The following MAML2 variants were observed in gnomAD, a reference collection of about 807,000 sequenced individuals.
The protein encoded by MAML2 is mastermind like transcriptional coactivator 2.
MAML2 carries 22 observed loss-of-function variants against 96.1 expected under a neutral mutation model. The ratio of observed to expected loss-of-function variants is 0.23; its 90% CI spans 0.16 to 0.33. MAML2 has a LOEUF of 0.33. Among genes scored for constraint, MAML2 ranks in the 10% least tolerant of loss-of-function variants. The pLI, the probability that MAML2 is intolerant of heterozygous loss-of-function variation, is 1.00. For synonymous variants in MAML2, 561 were observed against 521.3 expected, an observed-to-expected ratio of 1.08 and a Z score of -1.04; for missense variants, 1,367 against 1,392.4, an observed-to-expected ratio of 0.98 and a Z score of 0.29.
chr11:96,299,072 T>TAC (rs1263131444), intron 1 of MAML2, among the ~76,000 whole-genome samples: 20 of 135,572 alleles, frequency 1.5e-4, no homozygotes, highest in African/African-American at 5.0e-4. Context: ...TATATATATA[T>TAC]ATATATATAA....
chr11:96,116,319 TTCTCTCTC>T (rs1860240990), intron 1 of MAML2, among the ~76,000 whole-genome samples: 1 of 152,184 alleles, frequency 6.6e-6, no homozygotes, highest in Non-Finnish European at 1.5e-5. Flanking sequence ...TACTCTATGC[TTCTCTCTC>T]TGGGGATGAC....
In MAML2 at chr11:96,240,557, C is replaced by CAACAAAAAAA. The variant is rs568304250; in HGVS notation, c.513+100825_513+100826insTTTTTTTGTT. ...TGGGCGACAGAGCGAGACTCCGTCTCAAAAAAAAAAAAAAAAAAAAAAAAA... is the reference window on the plus strand; with the variant it reads ...TGGGCGACAGAGCGAGACTCCGTCTCAACAAAAAAAAAAAAAAAAAAAAAAAAAAAAAAAA... On this transcript the variant is annotated intron_variant, in intron 1 of 4. Transcript: ENST00000524717. Among the ~76,000 whole-genome samples, 31 of 51,100 alleles carry CAACAAAAAAA rather than the reference C, an allele frequency of 6.1e-4. 3 individuals are homozygous for CAACAAAAAAA. Among genetic ancestry groups the CAACAAAAAAA allele is most frequent in the Admixed American group, 1.6e-3 (5 of 3,040 alleles). The allele number at this position is 51,100 out of a possible 152,430, so 33.5% of individuals were successfully genotyped here.
At chr11:96,097,951 A>G (rs1241547310) in intron 1 of MAML2, among the ~76,000 whole-genome samples, 1 of 152,176 alleles carries the variant, frequency 6.6e-6, no homozygotes, top group Non-Finnish European at 1.5e-5. Flanking sequence ...CAGCCCAGAC[A>G]TGTCTCGTTC....
intron 1 of MAML2, among the ~76,000 whole-genome samples, chr11:96,109,270 C>G (rs1860079207): frequency 6.6e-6 from 1 of 152,080 alleles, no homozygotes; most frequent in Non-Finnish European, 1.5e-5. Flanking sequence ...CAGTGAGATG[C>G]AGAAGTCTGG....
intron 2 of MAML2, among the ~76,000 whole-genome samples, chr11:96,082,968 G>A (rs993445569): frequency 6.6e-6 from 1 of 152,172 alleles, no homozygotes; most frequent in African/African-American, 2.4e-5. Flanking sequence ...GAATGCTGGG[G>A]TTTGAACATG....
At chr11:96,263,751 A>T (rs1862784154) in intron 1 of MAML2, among the ~76,000 whole-genome samples, 1 of 152,192 alleles carries the variant, frequency 6.6e-6, no homozygotes, top group Non-Finnish European at 1.5e-5. Context: ...GGCTGGTGGG[A>T]CCACAATGAC....
intron 1 of MAML2, among the ~76,000 whole-genome samples, chr11:96,152,342 C>G (rs746349032): frequency 6.6e-6 from 1 of 152,190 alleles, no homozygotes; most frequent in Non-Finnish European, 1.5e-5. Flanking sequence ...AATGACAAAT[C>G]GAGAAACAAC....
chr11:96,104,180 A>G (rs79174462), intron 1 of MAML2, among the ~76,000 whole-genome samples: 1 of 152,144 alleles, frequency 6.6e-6, no homozygotes, highest in Admixed American at 6.5e-5. Context: ...CTGTCTCCAC[A>G]TGTTATAAAA....
intron 1 of MAML2, among the ~76,000 whole-genome samples, chr11:96,230,065 A>G (rs551136121): frequency 1.2e-4 from 19 of 152,288 alleles, no homozygotes; most frequent in Admixed American, 1.2e-3. Context: ...TTAAGAAAAA[A>G]CATTTAACGA....
intron 1 of MAML2, among the ~76,000 whole-genome samples, chr11:96,200,683 T>C (rs1565246554): frequency 6.6e-6 from 1 of 152,230 alleles, no homozygotes; most frequent in Non-Finnish European, 1.5e-5. Context: ...TTCTGGACTT[T>C]GACAAGTTAA....
At chr11:96,228,774 G>C (rs1167902086) in intron 1 of MAML2, among the ~76,000 whole-genome samples, 1 of 152,174 alleles carries the variant, frequency 6.6e-6, no homozygotes. Flanking sequence ...GAATTCCATT[G>C]TGGTGATGCT....
intron 2 of MAML2, among the ~76,000 whole-genome samples, chr11:96,072,993 T>C (rs1177633010): frequency 6.6e-6 from 1 of 152,212 alleles, no homozygotes; most frequent in Non-Finnish European, 1.5e-5. Context: ...TTGATAATCA[T>C]AAATTTCCAT....
chr11:96,051,470 T>A (rs1173070331), intron 2 of MAML2, among the ~76,000 whole-genome samples: 1 of 152,226 alleles, frequency 6.6e-6, no homozygotes, highest in African/African-American at 2.4e-5. Context: ...ATGTGTATTA[T>A]TCTACACATT....
At chr11:95,999,374 ACT>A (rs1329411033) in intron 2 of MAML2, among the ~76,000 whole-genome samples, 1 of 152,104 alleles carries the variant, frequency 6.6e-6, no homozygotes, top group Non-Finnish European at 1.5e-5. Context: ...AATTGTAAGG[ACT>A]CTGTCAGGCA....
chr11:96,269,517 C>A (rs773572716), intron 1 of MAML2, among the ~76,000 whole-genome samples: 3 of 143,642 alleles, frequency 2.1e-5, no homozygotes, highest in African/African-American at 2.7e-5. Context: ...GAGGTACATT[C>A]TTTTTATTTT....
At chr11:96,288,900 C>G (rs1029284063) in intron 1 of MAML2, among the ~76,000 whole-genome samples, 4 of 152,116 alleles carry the variant, frequency 2.6e-5, no homozygotes, top group Non-Finnish European at 5.9e-5. Context: ...TACTAATAAG[C>G]CAAGCCAGCA....
chr11:96,125,091 A>T (rs555296861), intron 1 of MAML2, among the ~76,000 whole-genome samples: 1 of 152,314 alleles, frequency 6.6e-6, no homozygotes, highest in South Asian at 2.1e-4. Flanking sequence ...TTAAGCCACC[A>T]CTTTGGAAGA....
Position 96,261,382 on chromosome 11 carries a change from C to T in MAML2, c.513+80001G>A, listed in dbSNP as rs139328063. 2.7e-3 allele frequency among the ~76,000 whole-genome samples: 405 copies of T among 152,132 alleles called. 1 individual carries two copies. Among genetic ancestry groups the T allele is most frequent in the African/African-American group, 9.2e-3 (380 of 41,504 alleles). On this transcript the variant is annotated intron_variant, in intron 1 of 4. Coordinates refer to ENST00000524717, the MANE Select transcript of MAML2 (RefSeq NM_032427.4). The stretch of plus-strand genomic sequence containing the variant: ...ATAAATTCCTTTTCTTTATAAATTA[C>T]CCAGTTTTGGGTGTTTTGTTATAAG...
chr11:96,240,430 G>A (rs945198036), intron 1 of MAML2, among the ~76,000 whole-genome samples: 3 of 151,120 alleles, frequency 2.0e-5, no homozygotes, highest in Admixed American at 6.6e-5. Flanking sequence ...GGCGCCTGTA[G>A]TCCCAGCTAC....
Sources: allele counts gnomAD v4.1 joint callset (sites outside exome capture counted in the v4.1 genomes callset), GRCh38; gene constraint gnomAD v4.1.1; transcripts MANE v1.5; gene names NCBI Gene and HGNC (gene_info 2026-07-23, HGNC 2026-07-21).